NRG4: variants seen among roughly 807,000 people sequenced by gnomAD.
The protein encoded by NRG4 is neuregulin 4.
NRG4 carries 10 observed loss-of-function variants against 15.0 expected under a neutral mutation model. The observed-to-expected ratio is 0.67, with a 90% CI of 0.41 to 1.13. NRG4 has a LOEUF of 1.13. NRG4 is among the 50% of genes most tolerant of loss of function. NRG4 has a pLI of 0.00. For missense variants in NRG4, 139 were observed against 140.2 expected, an observed-to-expected ratio of 0.99 and a Z score of 0.04; for synonymous variants, 41 against 50.1, an observed-to-expected ratio of 0.82 and a Z score of 0.77.
chr15:75,967,433 C>G (rs1337921054), intron 3 of NRG4, among the ~76,000 whole-genome samples: 1 of 150,154 alleles, frequency 6.7e-6, no homozygotes, highest in African/African-American at 2.4e-5. Flanking sequence ...AAATTTAAGT[C>G]CAGTTATGAA....
At chr15:75,974,713 G>T (rs139211312) in intron 3 of NRG4, among the ~76,000 whole-genome samples, 6,029 of 152,244 alleles carry the variant, frequency 0.04, 215 homozygotes, top group African/African-American at 0.094. Context: ...TTGCACTGTG[G>T]TCTGAGAGAC....
At chr15:76,053,114 CTTTGA>C (rs911594515) in intron 2 of NRG4, 3 of 151,000 alleles carry the variant, frequency 2.0e-5, no homozygotes, top group African/African-American at 7.4e-5. Flanking sequence ...AAATTAGAGA[CTTTGA>C]TTTATTTCCC....
At chr15:76,010,742 C>T (rs1462332578) in intron 2 of NRG4, among the ~76,000 whole-genome samples, 1 of 152,030 alleles carries the variant, frequency 6.6e-6, no homozygotes, top group African/African-American at 2.4e-5. Context: ...ATTAACATTA[C>T]ATCAGCATCA....
At chr15:75,993,519 G>T (rs1431303969) in intron 3 of NRG4, among the ~76,000 whole-genome samples, 1 of 151,466 alleles carries the variant, frequency 6.6e-6, no homozygotes, top group East Asian at 1.9e-4. Flanking sequence ...GGCCAGCATG[G>T]TGAAACCTCG....
At chr15:76,046,033 A>G (rs1286295606) in intron 4 of NRG4, among the ~76,000 whole-genome samples, 1 of 151,204 alleles carries the variant, frequency 6.6e-6, no homozygotes. Flanking sequence ...AAAATATCTC[A>G]TGTAACCCAT....
upstream of NRG4, among the ~76,000 whole-genome samples, chr15:76,015,520 G>A (rs1441222095): frequency 2.6e-5 from 4 of 151,880 alleles, no homozygotes; most frequent in East Asian, 1.9e-4. Context: ...GCATTCCATC[G>A]ATACCTAGTT....
At chr15:76,051,095 T>C (rs2035999717) in intron 4 of NRG4, among the ~76,000 whole-genome samples, 2 of 148,400 alleles carry the variant, frequency 1.3e-5, no homozygotes, top group South Asian at 4.2e-4. Context: ...AAGCTCCGCC[T>C]GCCGGGTTCA....
rs560889231 is a variant in NRG4, at chr15:75,945,609, C to T, written c.332-1955G>A. On this transcript the variant is annotated intron_variant, in intron 5 of 5. Transcript: ENST00000394907. ...CAAAAGACATGCTTTTACTCATGTA[C>T]AGGAGTAAAGTATGGGAACAGATTA... is the stretch of plus-strand genomic sequence containing the variant. 4 of 152,274 alleles carry T rather than the reference C, an allele frequency of 2.6e-5. No homozygotes were observed. In the South Asian group the frequency reaches 8.3e-4, roughly 32 times the overall value. 9.4% of individuals were successfully genotyped at this position (152,274 alleles called of 1,614,324 possible).
chr15:76,030,014 T>G (rs1388818121), intron 5 of NRG4, among the ~76,000 whole-genome samples: 1 of 152,082 alleles, frequency 6.6e-6, no homozygotes. Flanking sequence ...ATCCCAGCAC[T>G]TTGGGAGGCC....
intron 2 of NRG4, among the ~76,000 whole-genome samples, chr15:76,055,841 G>C (rs1318243581): frequency 3.9e-5 from 6 of 152,154 alleles, no homozygotes; most frequent in African/African-American, 1.4e-4. Context: ...CAGACTTTTA[G>C]TGGGTTTACT....
intron 3 of NRG4, among the ~76,000 whole-genome samples, chr15:76,001,314 A>G (rs1458681840): frequency 1.3e-5 from 2 of 152,104 alleles, no homozygotes; most frequent in Non-Finnish European, 1.5e-5. Context: ...TTGTAGCCAC[A>G]TTGAAAAAAA....
upstream of NRG4, among the ~76,000 whole-genome samples, chr15:76,016,234 TTTC>T (rs1432890798): frequency 6.6e-6 from 1 of 152,190 alleles, no homozygotes; most frequent in Non-Finnish European, 1.5e-5. Flanking sequence ...GATTCTTTCT[TTTC>T]TTCTTTATTA....
At chr15:76,050,575 C>T (rs770859230) in intron 4 of NRG4, among the ~76,000 whole-genome samples, 2 of 145,676 alleles carry the variant, frequency 1.4e-5, no homozygotes, top group Non-Finnish European at 3.0e-5. Flanking sequence ...GGATTACAGG[C>T]ACTCACCACC....
chr15:76,013,223 T>G (rs1596024174), upstream of NRG4, among the ~76,000 whole-genome samples: 1 of 152,168 alleles, frequency 6.6e-6, no homozygotes, highest in East Asian at 1.9e-4. Flanking sequence ...CTAAAAACAA[T>G]CTGTTCATTA....
chr15:75,978,727 T>G (rs1172404696), intron 3 of NRG4, among the ~76,000 whole-genome samples: 1 of 152,220 alleles, frequency 6.6e-6, no homozygotes, highest in East Asian at 1.9e-4. Context: ...CTGATAATAG[T>G]TGTGTTAACT....
At chr15:76,030,668 A>G (rs933881184) in intron 5 of NRG4, among the ~76,000 whole-genome samples, 33 of 152,242 alleles carry the variant, frequency 2.2e-4, no homozygotes, top group Non-Finnish European at 3.1e-4. Context: ...ACTTTAGGAC[A>G]CTGGTCTGGG....
intron 4 of NRG4, among the ~76,000 whole-genome samples, chr15:76,046,849 T>C (rs1041687686): frequency 2.0e-5 from 3 of 150,726 alleles, no homozygotes; most frequent in African/African-American, 7.4e-5. Context: ...AAGGACACAA[T>C]CAACAAATTG....
At chr15:76,040,068 G>C (rs1157932863) in intron 4 of NRG4, among the ~76,000 whole-genome samples, 1 of 151,962 alleles carries the variant, frequency 6.6e-6, no homozygotes, top group Non-Finnish European at 1.5e-5. Flanking sequence ...GAGAGAGAGA[G>C]AGAGAAGGCA....
chr15:75,951,605 C>G (rs1567071879), intron 5 of NRG4, among the ~76,000 whole-genome samples: 1 of 152,132 alleles, frequency 6.6e-6, no homozygotes, highest in African/African-American at 2.4e-5. Flanking sequence ...GTGACTTAGA[C>G]TTTTTACAGG....
Sources: allele counts gnomAD v4.1 joint callset (sites outside exome capture counted in the v4.1 genomes callset), GRCh38; gene constraint gnomAD v4.1.1; transcripts MANE v1.5; gene names NCBI Gene and HGNC (gene_info 2026-07-23, HGNC 2026-07-21).